The following MARCHF2 variants were observed in gnomAD, a reference collection of about 807,000 sequenced individuals.
The protein encoded by MARCHF2 is E3 ubiquitin-protein ligase MARCHF2.
A neutral mutation model predicts 24.0 loss-of-function variants in MARCHF2; 22 were observed. The ratio of observed to expected loss-of-function variants is 0.92; its 90% CI spans 0.66 to 1.31. The LOEUF is 1.31. Among genes scored for constraint, MARCHF2 ranks in the 50% most tolerant of loss-of-function variants. The pLI is 0.00. For synonymous variants in MARCHF2, 154 were observed against 153.0 expected (o/e 1.01, Z -0.05); for missense variants, 301 against 335.3 (o/e 0.90, Z 0.80).
chr19:8,415,721 C>CAAA (rs1309501077), intron 1 of MARCHF2, among the ~76,000 whole-genome samples: 189 of 17,744 alleles, frequency 0.011, 9 homozygotes, highest in Middle Eastern at 0.071. Flanking sequence ...AACTCCATCT[C>CAAA]AAAAAAAAAA....
chr19:8,437,347 CTATTT>C (rs1441074154), intron 4 of MARCHF2, among the ~76,000 whole-genome samples: 3 of 113,948 alleles, frequency 2.6e-5, no homozygotes, highest in Non-Finnish European at 5.3e-5. Context: ...ATTCATTCAC[CTATTT>C]TTTTTTTTTT....
chr19:8,414,983 C>G (rs553610071), intron 1 of MARCHF2, among the ~76,000 whole-genome samples: 1 of 152,334 alleles, frequency 6.6e-6, no homozygotes, highest in South Asian at 2.1e-4. Context: ...GTTTTAAGTT[C>G]AAATTCTGAC....
In MARCHF2 at chr19:8,430,575, C is replaced by A; in HGVS notation, c.373-83C>A. On this transcript the variant is annotated intron_variant, in intron 3 of 4. Transcript: ENST00000215555. This position sits in a 1 kb window ranked among gnomAD's most constrained non-coding sequence, Gnocchi z 4.4. ...AAAGAAGGAAAGGACAGAGGGAGGC[C>A]TAGGCCTGGAGGTCCTTACCCCTCC... 1 of 1,086,568 alleles carries A rather than the reference C, an allele frequency of 9.2e-7. No homozygotes were observed. Among genetic ancestry groups the A allele is most frequent in the Non-Finnish European group, 1.4e-6 (1 of 728,938 alleles). 67.3% of individuals were successfully genotyped at this position (1,086,568 alleles called of 1,614,324 possible).
chr19:8,430,468 G>A lies in MARCHF2; in HGVS notation c.373-190G>A, dbSNP rs1266366834. On this transcript the variant is annotated intron_variant, in intron 3 of 4. Transcript: ENST00000215555. The surrounding 1 kb of genome is among the most constrained non-coding windows in gnomAD (Gnocchi z 4.4). ...GAGAATTGCTTAAACCCAGAAGGTC[G>A]AGGTTGCAGTGAGCCGAGATCACAC... Among the ~76,000 whole-genome samples, 3 of 151,710 alleles carry A rather than the reference G, an allele frequency of 2.0e-5. No homozygotes were observed. The highest frequency in any genetic ancestry group is 2.9e-5 in the Non-Finnish European group (2 of 67,904).
chr19:8,434,361 G>A (rs975626884), intron 4 of MARCHF2, among the ~76,000 whole-genome samples: 2 of 151,892 alleles, frequency 1.3e-5, no homozygotes, highest in African/African-American at 2.4e-5. Flanking sequence ...TGAGATTACA[G>A]GCATGAACCA....
chr19:8,424,495 G>A (rs1029084210), intron 2 of MARCHF2, among the ~76,000 whole-genome samples: 1 of 151,886 alleles, frequency 6.6e-6, no homozygotes, highest in Non-Finnish European at 1.5e-5. Context: ...GTGAAACCCC[G>A]TCTCTACAAA....
chr19:8,430,742 GC>G lies in MARCHF2; in HGVS notation c.459del (p.Ile154SerfsTer63). 6.2e-7 allele frequency: 1 copy of G among 1,611,356 alleles called. No homozygotes were observed. Among genetic ancestry groups the G allele is most frequent in the Non-Finnish European group, 8.5e-7 (1 of 1,179,988 alleles). On this transcript the variant is annotated frameshift_variant, in exon 4 of 5. Coordinates refer to ENST00000215555, the MANE Select transcript of MARCHF2 (RefSeq NM_001005415.2). LOFTEE classifies it high-confidence loss of function. The surrounding 1 kb of genome is among the most constrained non-coding windows in gnomAD (Gnocchi z 4.4). ...VCFLFITPLAAISGWLCLRGA... is the reference protein window; with the variant it reads ...VCFLFITPLAXISGWLCLRGA... Reference sequence around the variant, plus strand: ...TTTCCTGTTCATCACACCGCTGGCCGCCATCTCAGGCTGGTTGTGCCTGCGC... The same window carrying G: ...TTTCCTGTTCATCACACCGCTGGCCGCATCTCAGGCTGGTTGTGCCTGCGC...
intron 4 of MARCHF2, 75 bp from the exon 5 acceptor site, chr19:8,438,313 G>T: frequency 6.6e-7 from 1 of 1,511,928 alleles, no homozygotes; most frequent in Non-Finnish European, 9.1e-7. Context: ...TTGGGCCAAC[G>T]CAGGTGCCAC....
intron 3 of MARCHF2, among the ~76,000 whole-genome samples, chr19:8,429,769 G>A (rs576443956): frequency 4.8e-5 from 7 of 145,258 alleles, no homozygotes; most frequent in African/African-American, 1.8e-4. Flanking sequence ...CTGCCAAAGT[G>A]CTAGGATTAC....
intron 3 of MARCHF2, 24 bp downstream of exon 3, chr19:8,426,828 C>T (rs374429748): frequency 6.3e-5 from 101 of 1,603,640 alleles, no homozygotes; most frequent in African/African-American, 4.3e-4. Flanking sequence ...TCTGAGACTG[C>T]GGTGGGCAGT....
intron 3 of MARCHF2, among the ~76,000 whole-genome samples, chr19:8,429,287 G>C (rs1214454737): frequency 6.6e-6 from 1 of 151,844 alleles, no homozygotes; most frequent in African/African-American, 2.4e-5. Context: ...GAGGGCAGGG[G>C]CCCTTTCTGT....
In MARCHF2 at chr19:8,421,270, G is replaced by A. The variant is rs141440872; in HGVS notation, c.-52-519G>A. On this transcript the variant is annotated intron_variant, in intron 1 of 4. Coordinates refer to ENST00000215555, the MANE Select transcript of MARCHF2 (RefSeq NM_001005415.2). ...CCCAAGTAGCTGGGACTACAGGCGC[G>A]TGCCACCAAGCCTGGCTAATTTTTT... Among the ~76,000 whole-genome samples, 930 of 150,260 alleles carry A rather than the reference G, an allele frequency of 6.2e-3. 5 individuals are homozygous for A. The highest frequency in any genetic ancestry group is 0.01 in the Middle Eastern group (3 of 288).
In MARCHF2 at chr19:8,438,758, G is replaced by T; in HGVS notation, c.*212G>T. On this transcript the variant is annotated 3_prime_UTR_variant, in exon 5 of 5. Coordinates refer to ENST00000215555, the MANE Select transcript of MARCHF2 (RefSeq NM_001005415.2). ...TTTTTTTTTTTTTTTTGCATATGGAGGACAGGTGGACATGGTCCTGAGCTC... is the reference window on the plus strand; with the variant it reads ...TTTTTTTTTTTTTTTTGCATATGGATGACAGGTGGACATGGTCCTGAGCTC... 1 of 535,024 alleles carries T rather than the reference G, an allele frequency of 1.9e-6. No individual in the cohort carries two copies. Among genetic ancestry groups the T allele is most frequent in the Non-Finnish European group, 3.3e-6 (1 of 303,326 alleles). The allele number at this position is 535,024 out of a possible 1,614,324, so 33.1% of individuals were successfully genotyped here. A position where few individuals can be genotyped will look rare whatever the true frequency, so the allele number is the denominator to read the frequency against.
intron 4 of MARCHF2, among the ~76,000 whole-genome samples, chr19:8,435,973 C>G (rs10424701): frequency 0.012 from 1,758 of 152,086 alleles, 36 homozygotes; most frequent in African/African-American, 0.04. Context: ...ATCCTCCCAC[C>G]TCAGCTTCCT....
At chr19:8,421,268 G>A (rs956012746) in intron 1 of MARCHF2, among the ~76,000 whole-genome samples, 46 of 151,656 alleles carry the variant, frequency 3.0e-4, no homozygotes, top group Admixed American at 2.1e-3. Flanking sequence ...GACTACAGGC[G>A]CGTGCCACCA....
intron 1 of MARCHF2, among the ~76,000 whole-genome samples, chr19:8,416,576 CATTG>C (rs964112167): frequency 1.3e-4 from 20 of 152,062 alleles, no homozygotes; most frequent in East Asian, 7.7e-4. Context: ...ATTGGCACTT[CATTG>C]ATTGATTGAG....
chr19:8,423,407 A>G (rs2145548306), intron 2 of MARCHF2: 1 of 152,098 alleles, frequency 6.6e-6, no homozygotes, highest in African/African-American at 2.4e-5. Flanking sequence ...TTCCCAGAAC[A>G]AGCTCCAAAC....
chr19:8,425,429 A>G (rs957412881), intron 2 of MARCHF2, among the ~76,000 whole-genome samples: 2 of 151,306 alleles, frequency 1.3e-5, no homozygotes, highest in African/African-American at 4.8e-5. Context: ...TTTTTTTTAT[A>G]GAGATGAGAT....
intron 4 of MARCHF2, among the ~76,000 whole-genome samples, chr19:8,437,942 T>C (rs1389495636): frequency 6.6e-6 from 1 of 151,896 alleles, no homozygotes; most frequent in Non-Finnish European, 1.5e-5. Flanking sequence ...ACGGGGTTTT[T>C]AGTAGAGACA....
Sources: allele counts gnomAD v4.1 joint callset (sites outside exome capture counted in the v4.1 genomes callset), GRCh38; gene constraint gnomAD v4.1.1; non-coding constraint Gnocchi (gnomAD v3.1); transcripts MANE v1.5; gene names NCBI Gene and HGNC (gene_info 2026-07-23, HGNC 2026-07-21).